DNAJC6: variants seen among roughly 807,000 people sequenced by gnomAD.
DNAJC6 encodes the protein DnaJ heat shock protein family (Hsp40) member C6.
A neutral mutation model predicts 110.0 loss-of-function variants in DNAJC6; 34 were observed. The ratio of observed to expected loss-of-function variants is 0.31; its 90% confidence interval spans 0.24 to 0.41. The LOEUF (loss-of-function observed/expected upper bound fraction) is 0.41. Among genes scored for constraint, DNAJC6 ranks in the 10% least tolerant of loss-of-function variants. The pLI, the probability that DNAJC6 is intolerant of heterozygous loss-of-function variation, is 1.00. For synonymous variants in DNAJC6, 406 were observed against 437.2 expected, an observed-to-expected ratio of 0.93 and a Z score of 0.89; for missense variants, 1,031 against 1,207.8, an observed-to-expected ratio of 0.85 and a Z score of 2.17.
intron 4 of DNAJC6, among the ~76,000 whole-genome samples, chr1:65,374,539 C>G (rs1645741214): frequency 1.3e-5 from 2 of 151,920 alleles, no homozygotes; most frequent in Admixed American, 1.3e-4. Context: ...TTTTTTGTAG[C>G]TATTGGAAAT....
chr1:65,282,875 T>G (rs1653897182), intron 1 of DNAJC6, among the ~76,000 whole-genome samples: 1 of 152,228 alleles, frequency 6.6e-6, no homozygotes, highest in South Asian at 2.1e-4. Flanking sequence ...TTGTCACAAT[T>G]ATACCTCCAG....
chr1:65,281,703 C>T (rs973128994), intron 1 of DNAJC6, among the ~76,000 whole-genome samples: 3 of 151,158 alleles, frequency 2.0e-5, no homozygotes, highest in African/African-American at 4.9e-5. Flanking sequence ...CCACCTCCTG[C>T]GTTCACACCA....
upstream of DNAJC6, among the ~76,000 whole-genome samples, chr1:65,305,610 G>A (rs1645029557): frequency 6.6e-6 from 1 of 152,144 alleles, no homozygotes. Context: ...AGAGCGAGGT[G>A]CTCTTTGGAG....
chr1:65,307,845 C>G (rs1054983825), upstream of DNAJC6, among the ~76,000 whole-genome samples: 8 of 152,092 alleles, frequency 5.3e-5, no homozygotes, highest in African/African-American at 1.9e-4. Flanking sequence ...TTCCTGCCAC[C>G]ATTCAGATTG....
intron 1 of DNAJC6, among the ~76,000 whole-genome samples, chr1:65,299,417 A>G (rs1644956804): frequency 6.6e-6 from 1 of 152,198 alleles, no homozygotes; most frequent in Admixed American, 6.5e-5. Context: ...GTTCACTGGT[A>G]ACAGAGTCAG....
intron 1 of DNAJC6, among the ~76,000 whole-genome samples, chr1:65,327,325 CA>C (rs1175382731): frequency 6.6e-6 from 1 of 152,106 alleles, no homozygotes; most frequent in Non-Finnish European, 1.5e-5. Flanking sequence ...GATAAAGAAA[CA>C]AACTTAAAAT....
intron 4 of DNAJC6, among the ~76,000 whole-genome samples, chr1:65,374,974 GA>G (rs1645745818): frequency 7.9e-6 from 1 of 127,082 alleles, no homozygotes. Context: ...ATTTTCTGAG[GA>G]TTTTTTTTTT....
At chr1:65,352,043 G>A (rs886422471) in intron 1 of DNAJC6, among the ~76,000 whole-genome samples, 8 of 152,140 alleles carry the variant, frequency 5.3e-5, no homozygotes, top group African/African-American at 1.9e-4. Flanking sequence ...TAGGATTACA[G>A]GTGTGGGCCA....
At chr1:65,271,079 T>A (rs929030704) in intron 1 of DNAJC6, among the ~76,000 whole-genome samples, 1 of 152,186 alleles carries the variant, frequency 6.6e-6, no homozygotes, top group Non-Finnish European at 1.5e-5. Flanking sequence ...CCTTGTTTTT[T>A]ATTTTTTTTT....
At chr1:65,388,612 CAA>C (rs1325148650) in intron 9 of DNAJC6, among the ~76,000 whole-genome samples, 197 bp downstream of exon 9, 2 of 152,108 alleles carry the variant, frequency 1.3e-5, no homozygotes, top group Non-Finnish European at 2.9e-5. Flanking sequence ...ACAAAGGGAC[CAA>C]AGACTTCAAA....
At chr1:65,393,200 T>C (rs1465526374) in intron 12 of DNAJC6, among the ~76,000 whole-genome samples, 2 of 152,224 alleles carry the variant, frequency 1.3e-5, no homozygotes, top group Non-Finnish European at 2.9e-5. Context: ...CTAATATTTA[T>C]GAGGTATTTA....
chr1:65,399,719 C>A (rs908588683), intron 14 of DNAJC6, among the ~76,000 whole-genome samples: 4 of 152,188 alleles, frequency 2.6e-5, no homozygotes, highest in Non-Finnish European at 5.9e-5. Flanking sequence ...CCTCCACCAG[C>A]CCCTGGCCAC....
At chr1:65,322,997 A>G (rs1645210250) in intron 1 of DNAJC6, among the ~76,000 whole-genome samples, 1 of 152,266 alleles carries the variant, frequency 6.6e-6, no homozygotes, top group African/African-American at 2.4e-5. Context: ...TTCATGAATA[A>G]CCATTGTTAA....
At chr1:65,411,590 A>G (rs1646129259) in intron 18 of DNAJC6, among the ~76,000 whole-genome samples, 164 bp downstream of exon 18, 1 of 152,226 alleles carries the variant, frequency 6.6e-6, no homozygotes, top group Non-Finnish European at 1.5e-5. Flanking sequence ...ACTTTATGAA[A>G]TGAGAAAGAC....
chr1:65,289,198 AT>A (rs897470020), intron 1 of DNAJC6, among the ~76,000 whole-genome samples: 47 of 148,890 alleles, frequency 3.2e-4, no homozygotes, highest in East Asian at 1.8e-3. Context: ...AGTCATTTAA[AT>A]TTTTTTTTTT....
rs183873852 is a variant in DNAJC6, at chr1:65,400,289, T to G, written c.2107+1408T>G. Among the ~76,000 whole-genome samples the G allele has an allele frequency of 9.8e-4, 150 of 152,366 alleles. 2 individuals carry two copies. Among genetic ancestry groups the G allele is most frequent in the African/African-American group, 3.5e-3 (145 of 41,592 alleles). On this transcript the variant is annotated intron_variant, in intron 14 of 18. Transcript: ENST00000371069. ...TGTGATATGGTTAAATGTAGCTAAT[T>G]AACAAATGCATTTCCTCACATGGTT...
intron 1 of DNAJC6, among the ~76,000 whole-genome samples, chr1:65,273,995 T>G (rs1322798176): frequency 2.0e-5 from 3 of 152,170 alleles, no homozygotes; most frequent in Non-Finnish European, 4.4e-5. Context: ...AATCCTGAGG[T>G]GCGGATCTTC....
chr1:65,266,064 T>C (rs1252640586), intron 1 of DNAJC6, among the ~76,000 whole-genome samples: 2 of 152,212 alleles, frequency 1.3e-5, no homozygotes, highest in African/African-American at 2.4e-5. Context: ...ACGCAGCCCG[T>C]TGGGCAGGTT....
intron 1 of DNAJC6, among the ~76,000 whole-genome samples, chr1:65,347,824 C>T (rs1645452098): frequency 6.6e-6 from 1 of 152,052 alleles, no homozygotes; most frequent in South Asian, 2.1e-4. Flanking sequence ...CTCAGGATTC[C>T]TTGTTGCATA....
Sources: gnomAD v4.1 joint callset for allele counts (sites outside exome capture counted in the v4.1 genomes callset) on GRCh38, gnomAD v4.1.1 for gene constraint, MANE v1.5 for transcripts, NCBI Gene and HGNC (gene_info 2026-07-23, HGNC 2026-07-21) for gene names.